Variants in SPMAP2L observed in about 807,000 individuals in gnomAD.
The protein encoded by SPMAP2L is sperm microtubule associated protein 2 like.
the SPMAP2L span, among the ~76,000 whole-genome samples, chr4:56,600,483 G>A: frequency 6.6e-6 from 1 of 151,762 alleles, no homozygotes; most frequent in Non-Finnish European, 1.5e-5. Flanking sequence ...TAGTACAGAC[G>A]GGGTTTCACC....
At chr4:56,594,857 C>T in the SPMAP2L span, 27 of 1,606,522 alleles carry the variant, frequency 1.7e-5, no homozygotes, top group Admixed American at 8.3e-5. Flanking sequence ...TATGAACGCT[C>T]AGGTGGGAAT....
chr4:56,581,771 T>C, the SPMAP2L span, among the ~76,000 whole-genome samples: 1 of 152,170 alleles, frequency 6.6e-6, no homozygotes, highest in Non-Finnish European at 1.5e-5. Flanking sequence ...ATTTCAAAAC[T>C]TACAGAAAAG....
chr4:56,594,264 G>A, the SPMAP2L span: 55 of 1,573,878 alleles, frequency 3.5e-5, no homozygotes, highest in Middle Eastern at 3.3e-4. Flanking sequence ...AATATTGTCC[G>A]GTATATGAAG....
chr4:56,546,099 T>G, the SPMAP2L span, among the ~76,000 whole-genome samples: 1 of 152,212 alleles, frequency 6.6e-6, no homozygotes, highest in Non-Finnish European at 1.5e-5. Context: ...CAGCCACATT[T>G]TTTTTAATTC....
chr4:56,619,600 T>C, the SPMAP2L span, among the ~76,000 whole-genome samples: 1 of 152,252 alleles, frequency 6.6e-6, no homozygotes, highest in African/African-American at 2.4e-5. Context: ...GGATATTCTG[T>C]TGTGTATATA....
At chr4:56,613,790 G>T in the SPMAP2L span, among the ~76,000 whole-genome samples, 1 of 152,230 alleles carries the variant, frequency 6.6e-6, no homozygotes, top group Non-Finnish European at 1.5e-5. Context: ...AGGGAAGGTA[G>T]TGTAGACATG....
At chr4:56,581,530 G>A in the SPMAP2L span, among the ~76,000 whole-genome samples, 1 of 151,954 alleles carries the variant, frequency 6.6e-6, no homozygotes, top group Non-Finnish European at 1.5e-5. Context: ...TGAGGCTGGA[G>A]GATTGCTTGA....
chr4:56,535,805 A>C, the SPMAP2L span, among the ~76,000 whole-genome samples: 2 of 152,120 alleles, frequency 1.3e-5, no homozygotes, highest in African/African-American at 4.8e-5. Context: ...TCTTGCTCTC[A>C]ACCCTCCAGA....
At chr4:56,542,276 G>A in the SPMAP2L span, among the ~76,000 whole-genome samples, 3 of 152,104 alleles carry the variant, frequency 2.0e-5, no homozygotes, top group Non-Finnish European at 2.9e-5. Context: ...GACCACAACT[G>A]CTTTCTCCTT....
the SPMAP2L span, among the ~76,000 whole-genome samples, chr4:56,609,038 C>T: frequency 1.0e-3 from 145 of 141,950 alleles, no homozygotes; most frequent in African/African-American, 3.7e-3. Flanking sequence ...GTCTTTTTTT[C>T]TTTCTTTCTT....
At chr4:56,619,814 A>G in the SPMAP2L span, among the ~76,000 whole-genome samples, 1 of 152,242 alleles carries the variant, frequency 6.6e-6, no homozygotes, top group Non-Finnish European at 1.5e-5. Context: ...TTTGCAAACT[A>G]TTTGATAAGG....
the SPMAP2L span, chr4:56,559,396 C>A: frequency 1.4e-6 from 2 of 1,476,932 alleles, no homozygotes; most frequent in Admixed American, 2.5e-5. Context: ...TAACAGAAAA[C>A]TGTTTTGGGG....
the SPMAP2L span, among the ~76,000 whole-genome samples, chr4:56,556,314 T>C: frequency 6.6e-6 from 1 of 152,218 alleles, no homozygotes; most frequent in Non-Finnish European, 1.5e-5. Flanking sequence ...GGACAGGACC[T>C]AGTGACAAAT....
At chr4:56,535,323 C>A in the SPMAP2L span, among the ~76,000 whole-genome samples, 1 of 152,292 alleles carries the variant, frequency 6.6e-6, no homozygotes, top group East Asian at 1.9e-4. Context: ...AATCCACAGG[C>A]AGACAGCCCA....
the SPMAP2L span, among the ~76,000 whole-genome samples, chr4:56,544,812 C>T: frequency 1.3e-5 from 2 of 152,180 alleles, no homozygotes; most frequent in African/African-American, 4.8e-5. Context: ...GTTCCAGACC[C>T]GCTTGTGGAC....
the SPMAP2L span, among the ~76,000 whole-genome samples, chr4:56,536,326 T>G: frequency 1.3e-5 from 2 of 152,248 alleles, no homozygotes; most frequent in African/African-American, 4.8e-5. Context: ...ATGGGCATCC[T>G]TGCTCTGAGC....
chr4:56,566,695 C>CTTTT, the SPMAP2L span, among the ~76,000 whole-genome samples: 49 of 92,440 alleles, frequency 5.3e-4, no homozygotes, highest in Non-Finnish European at 6.7e-4. Flanking sequence ...TTTTCTTTTT[C>CTTTT]TTTTTTTTTT....
the SPMAP2L span, chr4:56,552,650 T>A: frequency 8.7e-7 from 1 of 1,143,774 alleles, no homozygotes; most frequent in African/African-American, 1.5e-5. Flanking sequence ...TTGTGATGAT[T>A]GTGTTCATTA....
the SPMAP2L span, chr4:56,592,943 C>T: frequency 1.9e-6 from 3 of 1,604,494 alleles, no homozygotes; most frequent in Non-Finnish European, 2.6e-6. Context: ...GAAGACGGTC[C>T]CTGCCAACAT....
Sources: gnomAD v4.1 joint callset for allele counts (sites outside exome capture counted in the v4.1 genomes callset) on GRCh38, gnomAD v4.1.1 for gene constraint, MANE v1.5 for transcripts, NCBI Gene and HGNC (gene_info 2026-07-23, HGNC 2026-07-21) for gene names.